The following CEP44 variants were observed in gnomAD, a reference collection of about 807,000 sequenced individuals.
The protein encoded by CEP44 is centrosomal protein of 44 kDa.
In CEP44, 45 loss-of-function variants were observed where a neutral mutation model predicts 46.7. The ratio of observed to expected loss-of-function variants is 0.96; its 90% CI spans 0.76 to 1.24. The LOEUF is 1.24. Ranked by LOEUF, CEP44 falls within the 50% of genes most tolerant of loss-of-function variation. The pLI, the probability that CEP44 is intolerant of heterozygous loss-of-function variation, is 0.00. For synonymous variants in CEP44, 142 were observed against 146.0 expected (o/e 0.97, Z 0.20); for missense variants, 475 against 459.7 (o/e 1.03, Z -0.30).
rs372688293 is a variant in CEP44, at chr4:174,331,509, T to C, written c.1114T>C (p.Ser372Pro). Reference sequence around the variant, plus strand: ...TTTTCCTGCATGGAGTGCTACATCCTCTTGTTCCAGTCTCAGCTGGCTGCT... The same window carrying C: ...TTTTCCTGCATGGAGTGCTACATCCCCTTGTTCCAGTCTCAGCTGGCTGCT... Residue 372 changes from serine (S) to proline (P), a missense_variant, in exon 9 of 9, where the codon TCT (serine) becomes CCT (proline). Transcript: ENST00000426172. This position sits in a 1 kb window ranked among gnomAD's most constrained non-coding sequence, Gnocchi z 4.5. 267 of 1,551,536 alleles carry C rather than the reference T, an allele frequency of 1.7e-4. No individual in the cohort carries two copies. Among genetic ancestry groups the C allele is most frequent in the Middle Eastern group, 6.7e-4 (4 of 6,014 alleles).
intron 8 of CEP44, among the ~76,000 whole-genome samples, chr4:174,328,708 AC>A (rs1451837978): frequency 3.3e-5 from 5 of 152,158 alleles, no homozygotes; most frequent in African/African-American, 7.2e-5. Flanking sequence ...GAATTTCTCA[AC>A]AAATATGATT....
chr4:174,293,540 T>C (rs1212033503), intron 1 of CEP44, among the ~76,000 whole-genome samples: 2 of 152,252 alleles, frequency 1.3e-5, no homozygotes, highest in African/African-American at 4.8e-5. Context: ...GTTAGACTTA[T>C]AAGTGTTTTT....
rs953744763 is a variant in CEP44 at position 174,290,209 on chromosome 4, A to T, written c.-148+6266A>T. 1.3e-5 allele frequency among the ~76,000 whole-genome samples: 2 copies of T among 152,030 alleles called. No individual in the cohort carries two copies. Among genetic ancestry groups the T allele is most frequent in the Admixed American group, 6.5e-5 (1 of 15,270 alleles). ...TAAACACTTCTCTTATTCTGCTTTT[A>T]CTGCATCCTATATGTTTGGGTATAC... On this transcript the variant is annotated intron_variant, in intron 1 of 11. Transcript: ENST00000503780. The surrounding 1 kb of genome is among the most constrained non-coding windows in gnomAD (Gnocchi z 4.3).
chr4:174,296,814 T>A (rs1739084598), intron 1 of CEP44, among the ~76,000 whole-genome samples: 3 of 138,270 alleles, frequency 2.2e-5, no homozygotes, highest in Non-Finnish European at 1.5e-5. Context: ...CATAGAGGAG[T>A]GTTGAAGTCT....
downstream of CEP44, among the ~76,000 whole-genome samples, chr4:174,323,778 G>C (rs1239986623): frequency 6.6e-6 from 1 of 152,078 alleles, no homozygotes; most frequent in South Asian, 2.1e-4. Context: ...TTGGCCTTCT[G>C]ATGTCAAAAG....
chr4:174,332,063 C>T (rs1044480102), exon 9 of CEP44: 2 of 153,450 alleles, frequency 1.3e-5, no homozygotes, highest in Non-Finnish European at 2.9e-5. Context: ...TTCCCAATGT[C>T]TATTAAGATC....
chr4:174,326,738 G>C lies in CEP44; in HGVS notation c.1087-4744G>C, dbSNP rs1385138827. ...CTTTATTTCACCTTCATTTTCAAATGAAGGATACAATTTTAGGTGAATAGG... is the reference window on the plus strand; with the variant it reads ...CTTTATTTCACCTTCATTTTCAAATCAAGGATACAATTTTAGGTGAATAGG... On this transcript the variant is annotated intron_variant, in intron 8 of 8. Coordinates refer to the CEP44 transcript ENST00000426172. This position sits in a 1 kb window ranked among gnomAD's most constrained non-coding sequence, Gnocchi z 4.8. 3.9e-5 allele frequency among the ~76,000 whole-genome samples: 6 copies of C among 151,950 alleles called. No individual in the cohort carries two copies. Among genetic ancestry groups the C allele is most frequent in the Non-Finnish European group, 7.4e-5 (5 of 67,912 alleles).
chr4:174,329,829 ATT>A lies in CEP44; in HGVS notation c.1087-1649_1087-1648del, dbSNP rs1186510666. On this transcript the variant is annotated intron_variant, in intron 8 of 8. Coordinates refer to the CEP44 transcript ENST00000426172. The surrounding 1 kb of genome is among the most constrained non-coding windows in gnomAD (Gnocchi z 4.0). The stretch of plus-strand genomic sequence containing the variant: ...ATAGACTACTGAACTGTCTTGTTAA[ATT>A]TTTAAAGATGAGTTTGGATGAGTTG... Among the ~76,000 whole-genome samples the A allele has an allele frequency of 6.6e-6, 1 of 152,160 alleles. No individual in the cohort carries two copies. The highest frequency in any genetic ancestry group is 1.5e-5 in the Non-Finnish European group (1 of 68,010).
rs377618784 is a variant in CEP44, at chr4:174,310,082, A to C, written c.885+26A>C. ...GTATTTTCCTCCTTTAACATTTATAAAATATCTCAGATATAACAAAGTTTT... is the reference window on the plus strand; with the variant it reads ...GTATTTTCCTCCTTTAACATTTATACAATATCTCAGATATAACAAAGTTTT... On this transcript the variant is annotated intron_variant, in intron 8 of 11. Coordinates refer to ENST00000503780, the MANE Select transcript of CEP44 (RefSeq NM_001040157.3). This position sits in a 1 kb window ranked among gnomAD's most constrained non-coding sequence, Gnocchi z 4.2. The C allele has an allele frequency of 2.2e-5, 35 of 1,590,396 alleles. No individual in the cohort carries two copies. In the African/African-American group the frequency reaches 3.7e-4, roughly 17 times the overall value.
At chr4:174,327,345 T>C (rs761399097) in intron 8 of CEP44, among the ~76,000 whole-genome samples, 4 of 151,786 alleles carry the variant, frequency 2.6e-5, no homozygotes, top group Non-Finnish European at 5.9e-5. Context: ...CATACCATCT[T>C]CGTGTTAGGA....
Position 174,283,940 on chromosome 4 carries a change from G to C in CEP44, c.-151G>C. ...AAGCTCCCAGCTTTGAAGGTCTTGCGGTGGTGCGTGGCGGGCAGGAACCCA... is the reference window on the plus strand; with the variant it reads ...AAGCTCCCAGCTTTGAAGGTCTTGCCGTGGTGCGTGGCGGGCAGGAACCCA... On this transcript the variant is annotated 5_prime_UTR_variant, in exon 1 of 12. Transcript: ENST00000503780. The surrounding 1 kb of genome is among the most constrained non-coding windows in gnomAD (Gnocchi z 6.7). The C allele has an allele frequency of 2.5e-6, 1 of 399,158 alleles. No homozygotes were observed. Among genetic ancestry groups the C allele is most frequent in the Admixed American group, 4.4e-5 (1 of 22,748 alleles). The allele number at this position is 399,158 out of a possible 1,614,324, so 24.7% of individuals were successfully genotyped here.
chr4:174,313,376 CAG>C (rs943253558), intron 9 of CEP44, among the ~76,000 whole-genome samples: 2 of 134,812 alleles, frequency 1.5e-5, no homozygotes, highest in African/African-American at 2.8e-5. Context: ...TTTTTTCCCT[CAG>C]AGGAAAAAAA....
At chr4:174,289,293 TTC>T (rs1204453703) in intron 1 of CEP44, among the ~76,000 whole-genome samples, 3 of 127,588 alleles carry the variant, frequency 2.4e-5, no homozygotes, top group African/African-American at 1.0e-4. Flanking sequence ...GTGTTCCCTC[TTC>T]TTTTTTTTTT....
rs887339375 is a variant in CEP44, at chr4:174,288,188, G to A, written c.-148+4245G>A. On this transcript the variant is annotated intron_variant, in intron 1 of 11. Transcript: ENST00000503780. The surrounding 1 kb of genome is among the most constrained non-coding windows in gnomAD (Gnocchi z 4.6). ...GTATACAGTTTCTGTTTGGAGATAA[G>A]TAGATATTGTGAAACCATCCAACCA... 2.2e-4 allele frequency among the ~76,000 whole-genome samples: 33 copies of A among 152,164 alleles called. No individual in the cohort carries two copies. Among genetic ancestry groups the A allele is most frequent in the African/African-American group, 5.8e-4 (24 of 41,436 alleles).
intron 6 of CEP44, among the ~76,000 whole-genome samples, chr4:174,306,433 A>G (rs924458352): frequency 1.2e-4 from 19 of 152,102 alleles, no homozygotes; most frequent in African/African-American, 4.6e-4. Flanking sequence ...CCCATCATCC[A>G]GTTTCAGCAA....
rs538209285 is a variant in CEP44, at chr4:174,287,698, G to T, written c.-148+3755G>T. Among the ~76,000 whole-genome samples, 2 of 152,080 alleles carry T rather than the reference G, an allele frequency of 1.3e-5. No individual in the cohort carries two copies. Among genetic ancestry groups the T allele is most frequent in the African/African-American group, 4.8e-5 (2 of 41,484 alleles). ...TACATGTATTAACTTATTAATACAC[G>T]AAGATCAAAAAGTGACCAAAATTGT... On this transcript the variant is annotated intron_variant, in intron 1 of 11. Coordinates refer to ENST00000503780, the MANE Select transcript of CEP44 (RefSeq NM_001040157.3). The surrounding 1 kb of genome is among the most constrained non-coding windows in gnomAD (Gnocchi z 5.1).
intron 9 of CEP44, among the ~76,000 whole-genome samples, chr4:174,315,013 C>T (rs1294450696): frequency 2.6e-5 from 4 of 152,124 alleles, no homozygotes; most frequent in South Asian, 2.1e-4. Flanking sequence ...TGGAAGTTTA[C>T]GCTGATGAGT....
Position 174,286,216 on chromosome 4 carries a change from A to G in CEP44, c.-148+2273A>G, listed in dbSNP as rs1167933350. 6.6e-6 allele frequency among the ~76,000 whole-genome samples: 1 copy of G among 152,196 alleles called. No individual in the cohort carries two copies. The highest frequency in any genetic ancestry group is 2.4e-5 in the African/African-American group (1 of 41,450). On this transcript the variant is annotated intron_variant, in intron 1 of 11. Coordinates refer to ENST00000503780, the MANE Select transcript of CEP44 (RefSeq NM_001040157.3). This position sits in a 1 kb window ranked among gnomAD's most constrained non-coding sequence, Gnocchi z 5.2. ...CTACCCTGGGGAAATGGCTGTGGAA[A>G]TGAGTGGCGAGGGGCTTAAAGTAGG... is the stretch of plus-strand genomic sequence containing the variant.
intron 1 of CEP44, among the ~76,000 whole-genome samples, chr4:174,295,051 C>A (rs1238005274): frequency 2.1e-5 from 3 of 141,172 alleles, no homozygotes; most frequent in Non-Finnish European, 3.0e-5. Flanking sequence ...ACCTCCCTCC[C>A]GGACGGGGCG....
Sources: allele counts gnomAD v4.1 joint callset (sites outside exome capture counted in the v4.1 genomes callset), GRCh38; gene constraint gnomAD v4.1.1; non-coding constraint Gnocchi (gnomAD v3.1); transcripts MANE v1.5; gene names NCBI Gene and HGNC (gene_info 2026-07-23, HGNC 2026-07-21).